Variants in DLGAP2 observed in about 807,000 individuals in gnomAD.
The protein encoded by DLGAP2 is DLG associated protein 2, also known as disks large-associated protein 2.
In DLGAP2, 26 loss-of-function variants were observed where a neutral mutation model predicts 100.3. The observed-to-expected ratio is 0.26, with a 90% CI of 0.19 to 0.36. DLGAP2 has a LOEUF of 0.36. DLGAP2 is among the 10% of genes least tolerant of loss of function. The pLI, the probability that DLGAP2 is intolerant of heterozygous loss-of-function variation, is 1.00. For missense variants in DLGAP2, 1,858 were observed against 1,453.2 expected, an observed-to-expected ratio of 1.28 and a Z score of -4.53; for synonymous variants, 886 against 630.1, an observed-to-expected ratio of 1.41 and a Z score of -6.08.
chr8:1,188,676 G>A (rs990755582), intron 2 of DLGAP2, among the ~76,000 whole-genome samples: 10 of 152,140 alleles, frequency 6.6e-5, no homozygotes, highest in African/African-American at 2.2e-4. Context: ...CACTCCGGGG[G>A]CAGGAAGAGA....
chr8:1,541,688 A>T (rs1801366152), intron 4 of DLGAP2, among the ~76,000 whole-genome samples: 1 of 152,224 alleles, frequency 6.6e-6, no homozygotes, highest in African/African-American at 2.4e-5. Flanking sequence ...GCTCACCCAG[A>T]CGAGATCTAA....
intron 1 of DLGAP2, among the ~76,000 whole-genome samples, chr8:787,702 C>T (rs1821911064): frequency 6.6e-6 from 1 of 152,174 alleles, no homozygotes; most frequent in African/African-American, 2.4e-5. Flanking sequence ...TCTCAGCATC[C>T]CAGATCACCC....
At chr8:1,697,754 T>C (rs1437642049) in intron 14 of DLGAP2, among the ~76,000 whole-genome samples, 9 of 152,346 alleles carry the variant, frequency 5.9e-5, no homozygotes, top group Non-Finnish European at 1.5e-5. Flanking sequence ...ATGGCCACTA[T>C]AGGCAAGGCG....
At chr8:959,954 A>G (rs1427510770) in intron 2 of DLGAP2, among the ~76,000 whole-genome samples, 2 of 152,172 alleles carry the variant, frequency 1.3e-5, no homozygotes, top group Admixed American at 6.5e-5. Flanking sequence ...CTGAAAAAAG[A>G]TAGTTATGCT....
At chr8:1,103,306 G>C (rs1319757822) in intron 2 of DLGAP2, among the ~76,000 whole-genome samples, 1 of 152,224 alleles carries the variant, frequency 6.6e-6, no homozygotes, top group Non-Finnish European at 1.5e-5. Context: ...GGGCTTCTCA[G>C]AGTCGTATGG....
At chr8:1,173,714 A>AT (rs1237727400) in intron 2 of DLGAP2, among the ~76,000 whole-genome samples, 1 of 152,116 alleles carries the variant, frequency 6.6e-6, no homozygotes, top group Non-Finnish European at 1.5e-5. Context: ...CTGGTGCGCC[A>AT]TTTTTTAAGC....
At chr8:1,030,146 C>T (rs1334027071) in intron 2 of DLGAP2, among the ~76,000 whole-genome samples, 3 of 152,200 alleles carry the variant, frequency 2.0e-5, no homozygotes, top group East Asian at 3.8e-4. Context: ...CCTAGTTCCT[C>T]CTCCTCTTAC....
At chr8:1,068,415 C>A (rs1435890194) in intron 2 of DLGAP2, among the ~76,000 whole-genome samples, 3 of 152,222 alleles carry the variant, frequency 2.0e-5, no homozygotes, top group African/African-American at 7.2e-5. Context: ...TCACCCCCCA[C>A]AGTGGATAAG....
chr8:1,019,872 G>T (rs893826245), intron 2 of DLGAP2, among the ~76,000 whole-genome samples: 2 of 152,200 alleles, frequency 1.3e-5, no homozygotes, highest in African/African-American at 4.8e-5. Flanking sequence ...AAGTCAGGCA[G>T]CAGTGGTAGC....
At chr8:918,495 A>T (rs1798641361) in intron 2 of DLGAP2, among the ~76,000 whole-genome samples, 1 of 152,198 alleles carries the variant, frequency 6.6e-6, no homozygotes, top group Non-Finnish European at 1.5e-5. Context: ...ACAGTGAGAC[A>T]GGCACGGCTG....
intron 3 of DLGAP2, among the ~76,000 whole-genome samples, chr8:1,268,099 A>C (rs1227223686): frequency 6.6e-6 from 1 of 152,206 alleles, no homozygotes; most frequent in Non-Finnish European, 1.5e-5. Flanking sequence ...AAAATTCACA[A>C]ATAAACCCTA....
chr8:1,689,806 C>T (rs967723256), intron 12 of DLGAP2, among the ~76,000 whole-genome samples: 6 of 152,156 alleles, frequency 3.9e-5, no homozygotes, highest in African/African-American at 1.4e-4. Context: ...TCATCTGCCC[C>T]CTGCCTGGTG....
chr8:1,333,858 C>T (rs924530406), intron 3 of DLGAP2, among the ~76,000 whole-genome samples: 2 of 152,354 alleles, frequency 1.3e-5, no homozygotes, highest in East Asian at 3.9e-4. Flanking sequence ...TCAGATCTAG[C>T]AGAGCAGGGG....
chr8:781,079 C>T (rs912358142), intron 1 of DLGAP2, among the ~76,000 whole-genome samples: 2 of 152,096 alleles, frequency 1.3e-5, no homozygotes, highest in Admixed American at 6.5e-5. Flanking sequence ...TAGATAACCC[C>T]TTTTTTTGGT....
At chr8:1,467,018 G>T (rs1251883619) in intron 3 of DLGAP2, among the ~76,000 whole-genome samples, 1 of 149,504 alleles carries the variant, frequency 6.7e-6, no homozygotes, top group East Asian at 1.9e-4. Context: ...AGAAAGTGGG[G>T]GGGATGTGGG....
intron 3 of DLGAP2, among the ~76,000 whole-genome samples, chr8:1,266,024 T>A (rs577950396): frequency 6.6e-6 from 1 of 152,220 alleles, no homozygotes; most frequent in South Asian, 2.1e-4. Flanking sequence ...AAAAAAATGA[T>A]TACAAGGAGA....
chr8:983,981 C>T (rs1201617172), intron 2 of DLGAP2, among the ~76,000 whole-genome samples: 5 of 152,124 alleles, frequency 3.3e-5, no homozygotes, highest in Admixed American at 3.3e-4. Context: ...CTTGCTATTC[C>T]AGGATTCCTG....
At chr8:1,533,802 T>A (rs1801065704) in intron 4 of DLGAP2, among the ~76,000 whole-genome samples, 1 of 151,850 alleles carries the variant, frequency 6.6e-6, no homozygotes, top group Non-Finnish European at 1.5e-5. Flanking sequence ...ACAAAAAAAT[T>A]AAAAAATAGC....
intron 2 of DLGAP2, among the ~76,000 whole-genome samples, chr8:1,234,923 G>A (rs372755642): frequency 9.2e-5 from 14 of 151,568 alleles, no homozygotes; most frequent in East Asian, 5.9e-4. Context: ...TAGTTCTCTC[G>A]CACACAAAGC....
Sources: allele counts gnomAD v4.1 joint callset (sites outside exome capture counted in the v4.1 genomes callset), GRCh38; gene constraint gnomAD v4.1.1; transcripts MANE v1.5; gene names NCBI Gene and HGNC (gene_info 2026-07-23, HGNC 2026-07-21).